Variants in EYS observed in about 807,000 individuals in gnomAD.
EYS encodes the protein EGF-like photoreceptor maintenance factor.
Under a neutral mutation model 282.1 loss-of-function variants are expected in EYS, and 250 were observed. The observed-to-expected ratio is 0.89, with a 90% CI of 0.80 to 0.98. The LOEUF (loss-of-function observed/expected upper bound fraction) is 0.98, where lower values mean the gene tolerates loss of function less well. Ranked by LOEUF, EYS falls within the 50% of genes least tolerant of loss-of-function variation. EYS has a pLI of 0.00. For missense variants in EYS, 4,016 were observed against 3,709.0 expected, an observed-to-expected ratio of 1.08 and a Z score of -2.15; for synonymous variants, 1,355 against 1,282.9, an observed-to-expected ratio of 1.06 and a Z score of -1.20.
chr6:63,752,731 G>A (rs914893655), intron 41 of EYS, among the ~76,000 whole-genome samples: 1 of 151,796 alleles, frequency 6.6e-6, no homozygotes, highest in African/African-American at 2.4e-5. Flanking sequence ...TCCTGACCTC[G>A]TGATCCTCCT....
intron 22 of EYS, chr6:64,631,778 A>C (rs1767791622): frequency 6.6e-6 from 1 of 152,106 alleles, no homozygotes; most frequent in South Asian, 2.1e-4. Context: ...CCGAAGTAAG[A>C]AAGAATAAGA....
At chr6:64,662,868 C>T (rs1769092537) in intron 22 of EYS, among the ~76,000 whole-genome samples, 1 of 147,138 alleles carries the variant, frequency 6.8e-6, no homozygotes, top group Non-Finnish European at 1.5e-5. Flanking sequence ...GGAATTCTGA[C>T]TTGAGATCCT....
chr6:65,492,930 A>AT (rs1766101026), intron 4 of EYS, among the ~76,000 whole-genome samples: 1 of 151,900 alleles, frequency 6.6e-6, no homozygotes, highest in Non-Finnish European at 1.5e-5. Flanking sequence ...ATCTTATTTT[A>AT]TTTTTTGAGA....
chr6:63,960,468 A>G (rs995048637), intron 35 of EYS, among the ~76,000 whole-genome samples: 4 of 152,228 alleles, frequency 2.6e-5, no homozygotes, highest in Non-Finnish European at 5.9e-5. Context: ...GATTTAGAGT[A>G]TACATAAACC....
At chr6:64,207,386 T>C (rs2150325539) in intron 31 of EYS, among the ~76,000 whole-genome samples, 1 of 152,248 alleles carries the variant, frequency 6.6e-6, no homozygotes, top group Admixed American at 6.5e-5. Context: ...TAAATCTCTT[T>C]TCTTTATAAA....
intron 33 of EYS, among the ~76,000 whole-genome samples, chr6:64,041,742 G>A (rs1770399960): frequency 6.6e-6 from 1 of 152,068 alleles, no homozygotes; most frequent in Admixed American, 6.6e-5. Flanking sequence ...AACTGTCTTT[G>A]CCTCTTTCAT....
chr6:63,843,774 A>G (rs1772026334), intron 36 of EYS, among the ~76,000 whole-genome samples: 1 of 152,208 alleles, frequency 6.6e-6, no homozygotes, highest in Non-Finnish European at 1.5e-5. Context: ...AAAGAAATAA[A>G]GCGTATTCAA....
At chr6:64,277,112 C>T (rs1440795552) in intron 30 of EYS, among the ~76,000 whole-genome samples, 1 of 152,116 alleles carries the variant, frequency 6.6e-6, no homozygotes, top group African/African-American at 2.4e-5. Flanking sequence ...CCAAATTCAT[C>T]TTGTCCACAG....
intron 31 of EYS, among the ~76,000 whole-genome samples, chr6:64,220,355 T>C (rs1216907109): frequency 6.6e-6 from 1 of 152,158 alleles, no homozygotes; most frequent in East Asian, 1.9e-4. Flanking sequence ...TGAATAGTTA[T>C]AGTTTACATA....
intron 31 of EYS, among the ~76,000 whole-genome samples, chr6:64,126,216 A>G (rs764113935): frequency 5.3e-4 from 81 of 152,120 alleles, no homozygotes; most frequent in Admixed American, 7.9e-4. Context: ...ATATACCCAA[A>G]GGATTATAAA....
intron 12 of EYS, among the ~76,000 whole-genome samples, chr6:65,282,250 A>G (rs1051878590): frequency 6.6e-6 from 1 of 152,054 alleles, no homozygotes; most frequent in Non-Finnish European, 1.5e-5. Flanking sequence ...TCACAAACAT[A>G]TTAAATATTT....
chr6:64,183,685 T>C (rs2150312821), intron 31 of EYS, among the ~76,000 whole-genome samples: 1 of 152,288 alleles, frequency 6.6e-6, no homozygotes, highest in Non-Finnish European at 1.5e-5. Flanking sequence ...TAAAAAACAC[T>C]TCTTTCTTAA....
chr6:64,684,098 A>G (rs1769999613), intron 22 of EYS, among the ~76,000 whole-genome samples: 1 of 152,176 alleles, frequency 6.6e-6, no homozygotes, highest in Non-Finnish European at 1.5e-5. Flanking sequence ...CTTACAATGC[A>G]TATCTTAAGA....
chr6:64,102,050 C>T (rs1297120901), intron 31 of EYS, among the ~76,000 whole-genome samples: 1 of 152,054 alleles, frequency 6.6e-6, no homozygotes, highest in Non-Finnish European at 1.5e-5. Flanking sequence ...GGAAGCTTCG[C>T]TGGATCACCC....
At chr6:63,754,235 C>T (rs1769418752) in intron 41 of EYS, among the ~76,000 whole-genome samples, 1 of 151,932 alleles carries the variant, frequency 6.6e-6, no homozygotes, top group African/African-American at 2.4e-5. Flanking sequence ...GGTACATGTG[C>T]ACAACATGCA....
chr6:65,146,874 G>T (rs1561990193), intron 12 of EYS, among the ~76,000 whole-genome samples: 1 of 151,866 alleles, frequency 6.6e-6, no homozygotes, highest in Non-Finnish European at 1.5e-5. Context: ...ATTCAAAAAC[G>T]TTGTCAAAGT....
intron 12 of EYS, among the ~76,000 whole-genome samples, chr6:65,089,182 G>A (rs1454047339): frequency 6.6e-6 from 1 of 152,142 alleles, no homozygotes; most frequent in Non-Finnish European, 1.5e-5. Flanking sequence ...ACTGCCTAGT[G>A]GACTTGTGAC....
At chr6:63,817,893 C>T (rs749533996) in intron 36 of EYS, among the ~76,000 whole-genome samples, 12 of 152,284 alleles carry the variant, frequency 7.9e-5, no homozygotes, top group East Asian at 1.9e-4. Flanking sequence ...AGGAGCTTCA[C>T]GAGGCCTCCA....
chr6:64,094,170 A>G (rs1023834389), intron 31 of EYS, among the ~76,000 whole-genome samples: 38 of 152,132 alleles, frequency 2.5e-4, no homozygotes, highest in African/African-American at 8.9e-4. Flanking sequence ...TATTTTATTG[A>G]GGATTTTCGC....
Sources: gnomAD v4.1 joint callset for allele counts (sites outside exome capture counted in the v4.1 genomes callset) on GRCh38, gnomAD v4.1.1 for gene constraint, MANE v1.5 for transcripts, NCBI Gene and HGNC (gene_info 2026-07-23, HGNC 2026-07-21) for gene names.